SHB: variants seen among roughly 807,000 people sequenced by gnomAD.
SHB encodes SH2 domain containing adaptor protein B, also known as SH2 domain-containing adapter protein B.
A neutral mutation model predicts 52.3 loss-of-function variants in SHB; 20 were observed. The observed-to-expected ratio is 0.38, with a 90% CI of 0.27 to 0.56. The LOEUF is 0.56. SHB is among the 20% of genes least tolerant of loss of function. SHB has a pLI of 0.71. For missense variants in SHB, 825 were observed against 723.3 expected (o/e 1.14, Z -1.61); for synonymous variants, 397 against 316.5 (o/e 1.25, Z -2.70).
chr9:38,057,139 C>T (rs565350277), intron 1 of SHB, among the ~76,000 whole-genome samples: 12 of 152,262 alleles, frequency 7.9e-5, no homozygotes, highest in East Asian at 7.7e-4. Flanking sequence ...ATGTTCATTA[C>T]GGCACTGTTA....
intron 2 of SHB, among the ~76,000 whole-genome samples, chr9:38,011,615 C>T (rs62541320): frequency 0.025 from 3,774 of 152,230 alleles, 83 homozygotes; most frequent in Middle Eastern, 0.054. Context: ...CCTCAGAAGT[C>T]GCTTGAGCCA....
intron 5 of SHB, among the ~76,000 whole-genome samples, chr9:37,936,282 C>A (rs974379254): frequency 1.3e-5 from 2 of 152,070 alleles, no homozygotes; most frequent in African/African-American, 4.8e-5. Context: ...ATCCAGAAAA[C>A]ACAAATCTAA....
intron 3 of SHB, 69 bp from the exon 4 acceptor site, chr9:37,956,123 G>A: frequency 6.9e-7 from 1 of 1,442,784 alleles, no homozygotes; most frequent in Admixed American, 2.1e-5. Flanking sequence ...AGGCACAGAA[G>A]GGTAACGTTC....
chr9:38,008,135 G>A (rs1821093541), intron 2 of SHB, among the ~76,000 whole-genome samples: 1 of 152,196 alleles, frequency 6.6e-6, no homozygotes, highest in African/African-American at 2.4e-5. Context: ...CACAGCGGGG[G>A]TGCTATCAAT....
At chr9:37,947,041 A>T (rs934166858) in intron 5 of SHB, among the ~76,000 whole-genome samples, 1 of 152,018 alleles carries the variant, frequency 6.6e-6, no homozygotes, top group Non-Finnish European at 1.5e-5. Flanking sequence ...CCTCAGTCCA[A>T]TTCCGCTCCT....
intron 1 of SHB, among the ~76,000 whole-genome samples, chr9:38,027,121 GT>G (rs1433239170): frequency 6.6e-6 from 1 of 152,228 alleles, no homozygotes; most frequent in Non-Finnish European, 1.5e-5. Flanking sequence ...CTGGAGCTCT[GT>G]TTCCTTTTTA....
chr9:37,989,076 T>TACAC (rs201637939), intron 2 of SHB, among the ~76,000 whole-genome samples: 2 of 129,608 alleles, frequency 1.5e-5, no homozygotes, highest in Admixed American at 1.6e-4. Context: ...CACATGCACA[T>TACAC]ACACACACAC....
chr9:37,938,974 T>C (rs1416279398), intron 5 of SHB, among the ~76,000 whole-genome samples: 1 of 152,198 alleles, frequency 6.6e-6, no homozygotes, highest in African/African-American at 2.4e-5. Flanking sequence ...GGAGAGCCAC[T>C]ATCCACCCAG....
intron 1 of SHB, among the ~76,000 whole-genome samples, chr9:38,066,894 G>A (rs1013881260): frequency 2.0e-5 from 3 of 152,204 alleles, no homozygotes; most frequent in Non-Finnish European, 2.9e-5. Context: ...TTTACCTTTG[G>A]GGGAAGAAGG....
chr9:37,998,127 A>G (rs1356081073), intron 2 of SHB, among the ~76,000 whole-genome samples: 1 of 151,448 alleles, frequency 6.6e-6, no homozygotes. Flanking sequence ...GGGGAGCGCG[A>G]CGGGGATTTA....
chr9:38,034,430 G>A (rs1217514897), intron 1 of SHB, among the ~76,000 whole-genome samples: 1 of 152,250 alleles, frequency 6.6e-6, no homozygotes, highest in Non-Finnish European at 1.5e-5. Flanking sequence ...GACCAATGGA[G>A]AATCACGTCC....
At position 38,068,053 on chromosome 9, in the gene SHB, TC is replaced by T; in HGVS notation, c.592del (p.Asp198ThrfsTer43). On this transcript the variant is annotated frameshift_variant, in exon 1 of 6. Transcript: ENST00000377707. LOFTEE classifies it high-confidence loss of function. ...VESAAGGGAGDPLGGACAGGR... is the reference protein window; with the variant it reads ...VESAAGGGAGXPLGGACAGGR... ...GCCCGCGCAGGCGCCCCCCAGGGGG[TC>T]CCCGGCCCCACCGCCCGCGGCGCTC... is the stretch of plus-strand genomic sequence containing the variant. 3.3e-6 allele frequency: 5 copies of T among 1,494,468 alleles called. No homozygotes were observed. The highest frequency in any genetic ancestry group is 1.3e-5 in the South Asian group (1 of 77,684). 92.6% of individuals were successfully genotyped at this position (1,494,468 alleles called of 1,614,324 possible). A position where few individuals can be genotyped will look rare whatever the true frequency, so the allele number is the denominator to read the frequency against.
intron 1 of SHB, among the ~76,000 whole-genome samples, chr9:38,044,715 G>A (rs539813732): frequency 1.8e-4 from 28 of 152,330 alleles, no homozygotes; most frequent in African/African-American, 6.7e-4. Flanking sequence ...TTTTTCCCTT[G>A]TTGGAGTTAC....
At chr9:37,954,086 T>A (rs775236321) in intron 4 of SHB, among the ~76,000 whole-genome samples, 11 of 152,152 alleles carry the variant, frequency 7.2e-5, no homozygotes, top group Non-Finnish European at 1.6e-4. Context: ...ACGCCGAACA[T>A]CTGTGAGTCA....
chr9:38,014,364 A>G (rs992419898), intron 2 of SHB, among the ~76,000 whole-genome samples: 3 of 152,254 alleles, frequency 2.0e-5, no homozygotes, highest in Non-Finnish European at 4.4e-5. Context: ...CAAGGGCTGG[A>G]GCTGGTCCTG....
intron 1 of SHB, among the ~76,000 whole-genome samples, chr9:38,022,639 C>T (rs1821295531): frequency 6.6e-6 from 1 of 152,172 alleles, no homozygotes; most frequent in African/African-American, 2.4e-5. Context: ...ATAACACAGG[C>T]CCTAGCGGGC....
At chr9:37,944,720 C>T (rs1472565562) in intron 5 of SHB, among the ~76,000 whole-genome samples, 2 of 152,184 alleles carry the variant, frequency 1.3e-5, no homozygotes, top group Non-Finnish European at 2.9e-5. Flanking sequence ...CGAGACCCGC[C>T]AAGGCTCTCC....
In SHB at chr9:38,068,147, C is replaced by CGCTGCT; in HGVS notation, c.493_498dup (p.Ser165_Ser166dup). ...TCGGCCGGCGTGGCGGGCCGCCGCT[C>CGCTGCT]GCTGCTGCTGCGGTAGAGATGCGGA... On this transcript the variant is annotated inframe_insertion, in exon 1 of 6. Transcript: ENST00000377707. 1 of 1,441,320 alleles carries CGCTGCT rather than the reference C, an allele frequency of 6.9e-7. No homozygotes were observed. Among genetic ancestry groups the CGCTGCT allele is most frequent in the Non-Finnish European group, 9.0e-7 (1 of 1,109,608 alleles). The allele number at this position is 1,441,320 out of a possible 1,614,324, so 89.3% of individuals were successfully genotyped here. A position where few individuals can be genotyped will look rare whatever the true frequency, so the allele number is the denominator to read the frequency against.
intron 2 of SHB, among the ~76,000 whole-genome samples, chr9:38,003,665 G>T (rs2381773): frequency 0.46 from 69,182 of 151,658 alleles, 15,949 homozygotes; most frequent in Middle Eastern, 0.51. Context: ...GCATGGGGCC[G>T]GGCTGCCCCT....
Sources: allele counts gnomAD v4.1 joint callset (sites outside exome capture counted in the v4.1 genomes callset), GRCh38; gene constraint gnomAD v4.1.1; transcripts MANE v1.5; gene names NCBI Gene and HGNC (gene_info 2026-07-23, HGNC 2026-07-21).